Variants in AFF1 observed in about 807,000 individuals in gnomAD.
AFF1 encodes ALF transcription elongation factor 1.
In AFF1, 48 loss-of-function variants were observed where a neutral mutation model predicts 121.7. The ratio of observed to expected loss-of-function variants is 0.39; its 90% CI spans 0.31 to 0.50. The LOEUF (loss-of-function observed/expected upper bound fraction) is 0.50, where lower values mean the gene tolerates loss of function less well. Ranked by LOEUF, AFF1 falls within the 20% of genes least tolerant of loss-of-function variation. The pLI, the probability that AFF1 is intolerant of heterozygous loss-of-function variation, is 0.76. For synonymous variants in AFF1, 613 were observed against 563.0 expected (o/e 1.09, Z -1.26); for missense variants, 1,523 against 1,511.7 (o/e 1.01, Z -0.12).
chr4:87,040,773 A>G (rs916589274), intron 2 of AFF1, among the ~76,000 whole-genome samples: 2 of 144,922 alleles, frequency 1.4e-5, no homozygotes, highest in Non-Finnish European at 3.0e-5. Context: ...GGGTTTCACT[A>G]TGTTGGCCAG....
intron 2 of AFF1, among the ~76,000 whole-genome samples, chr4:87,015,446 A>G (rs1727198433): frequency 6.6e-6 from 1 of 152,232 alleles, no homozygotes. Flanking sequence ...GGAAAGAATT[A>G]TTAATGTTGT....
rs1263018658 is a variant in AFF1 at position 87,136,010 on chromosome 4, A to T, written c.*309A>T. Reference sequence around the variant, plus strand: ...CTAGAAACATTTCTATTTTTTTTTTAAACCAGCAGGATACAAGTTGCAAAT... The same window carrying T: ...CTAGAAACATTTCTATTTTTTTTTTTAACCAGCAGGATACAAGTTGCAAAT... On this transcript the variant is annotated 3_prime_UTR_variant, in exon 21 of 21. Coordinates refer to ENST00000395146, the MANE Select transcript of AFF1 (RefSeq NM_001166693.3). 12 of 282,336 alleles carry T rather than the reference A, an allele frequency of 4.3e-5. No individual in the cohort carries two copies. Among genetic ancestry groups the T allele is most frequent in the Non-Finnish European group, 5.9e-5 (9 of 152,098 alleles). 17.5% of individuals were successfully genotyped at this position (282,336 alleles called of 1,614,324 possible).
chr4:87,057,653 G>A (rs1720288933), intron 4 of AFF1, among the ~76,000 whole-genome samples: 1 of 152,180 alleles, frequency 6.6e-6, no homozygotes, highest in Non-Finnish European at 1.5e-5. Flanking sequence ...GGGGAGTTAG[G>A]AAGACTGATC....
At chr4:86,941,852 CAAAA>C (rs141702547) in intron 1 of AFF1, among the ~76,000 whole-genome samples, 25,113 of 151,576 alleles carry the variant, frequency 0.17, 2,274 homozygotes, top group East Asian at 0.29. Context: ...TAATCTGAAA[CAAAA>C]AGACAATTGA....
At chr4:87,013,764 GT>G (rs1222696777) in intron 2 of AFF1, among the ~76,000 whole-genome samples, 1 of 151,344 alleles carries the variant, frequency 6.6e-6, no homozygotes, top group Non-Finnish European at 1.5e-5. Flanking sequence ...GTCATATGAG[GT>G]TCAGGGTTCT....
rs569117042 is a variant in AFF1, at chr4:87,009,461, C to G, written c.39-36705C>G. 2.0e-4 allele frequency among the ~76,000 whole-genome samples: 30 copies of G among 152,298 alleles called. No homozygotes were observed. In the South Asian group the frequency reaches 6.0e-3, roughly 31 times the overall value. ...ATCCTGAGTTATCAGTGTGGTGGTT[C>G]AACTTGCCAGCAATTAAAATAGGAG... On this transcript the variant is annotated intron_variant, in intron 2 of 20. Coordinates refer to ENST00000395146, the MANE Select transcript of AFF1 (RefSeq NM_001166693.3).
chr4:87,032,701 G>T (rs905701278), intron 2 of AFF1, among the ~76,000 whole-genome samples: 1 of 152,144 alleles, frequency 6.6e-6, no homozygotes, highest in Non-Finnish European at 1.5e-5. Context: ...GTTGTTGATT[G>T]GGGGGTTGGA....
At chr4:86,945,751 C>A (rs1720814566) in intron 1 of AFF1, among the ~76,000 whole-genome samples, 2 of 151,902 alleles carry the variant, frequency 1.3e-5, no homozygotes, top group South Asian at 4.2e-4. Context: ...CTTGGCCTCC[C>A]AAAGTGTTGG....
intron 2 of AFF1, among the ~76,000 whole-genome samples, chr4:87,043,825 CTT>C (rs10543473): frequency 0.37 from 54,959 of 149,928 alleles, 12,682 homozygotes; most frequent in African/African-American, 0.66. Context: ...TTCTTTCTTT[CTT>C]TTTTTTTTTG....
At chr4:87,059,549 C>CATT (rs747999779) in intron 4 of AFF1, among the ~76,000 whole-genome samples, 37 of 152,176 alleles carry the variant, frequency 2.4e-4, no homozygotes, top group East Asian at 1.2e-3. Flanking sequence ...CAGTATGCCA[C>CATT]ATTATTTCAC....
At chr4:87,077,080 G>GT (rs1722742869) in intron 4 of AFF1, among the ~76,000 whole-genome samples, 1 of 152,168 alleles carries the variant, frequency 6.6e-6, no homozygotes, top group African/African-American at 2.4e-5. Flanking sequence ...AAACAACCCT[G>GT]TAAGATTATG....
At chr4:86,973,067 G>T (rs74785874) in intron 2 of AFF1, among the ~76,000 whole-genome samples, 5,543 of 152,308 alleles carry the variant, frequency 0.036, 137 homozygotes, top group Middle Eastern at 0.061. Flanking sequence ...AAGAGTTTGT[G>T]TGTGTGGGGA....
rs542953386 is a variant in AFF1 at position 86,949,757 on chromosome 4, G to T, written c.38+1186G>T. 1.3e-5 allele frequency: 21 copies of T among 1,611,108 alleles called. No individual in the cohort carries two copies. In the South Asian group the frequency reaches 2.2e-4, roughly 17 times the overall value. On this transcript the variant is annotated intron_variant, in intron 2 of 20. Transcript: ENST00000395146. ...GCGGTGCTTGCCCTTGGCCCAGATG[G>T]TCATCTGGGTGAAGCCCACCAGGGA...
chr4:87,119,235 A>G (rs2149779254), intron 12 of AFF1, among the ~76,000 whole-genome samples: 1 of 152,242 alleles, frequency 6.6e-6, no homozygotes, highest in Middle Eastern at 3.4e-3. Context: ...CTCAAGAACC[A>G]CAATATATAC....
In AFF1 at chr4:87,139,325, G is replaced by T. The variant is rs183454302; in HGVS notation, c.*3624G>T. 1.8e-4 allele frequency: 42 copies of T among 233,058 alleles called. No individual in the cohort carries two copies. The highest frequency in any genetic ancestry group is 9.0e-4 in the African/African-American group (41 of 45,400). The allele number at this position is 233,058 out of a possible 1,614,324, so 14.4% of individuals were successfully genotyped here. A position where few individuals can be genotyped will look rare whatever the true frequency, so the allele number is the denominator to read the frequency against. On this transcript the variant is annotated 3_prime_UTR_variant, in exon 21 of 21. Transcript: ENST00000395146. Reference sequence around the variant, plus strand: ...TAAAGTAGGTTGAGGCTTGAGGCTGGGCTTTCGGGTTTTTTTGTTTTTTGT... The same window carrying T: ...TAAAGTAGGTTGAGGCTTGAGGCTGTGCTTTCGGGTTTTTTTGTTTTTTGT...
At chr4:86,990,700 C>T (rs189334683) in intron 2 of AFF1, among the ~76,000 whole-genome samples, 95 of 152,228 alleles carry the variant, frequency 6.2e-4, no homozygotes, top group African/African-American at 2.1e-3. Flanking sequence ...TACATGTAGG[C>T]AATGTGAGGC....
At chr4:86,998,366 C>A (rs907549692) in intron 2 of AFF1, among the ~76,000 whole-genome samples, 4 of 152,140 alleles carry the variant, frequency 2.6e-5, no homozygotes, top group African/African-American at 9.7e-5. Flanking sequence ...TACCTCCTTC[C>A]TGGAACTAAG....
intron 4 of AFF1, chr4:87,049,545 A>G (rs1731064638): frequency 5.0e-6 from 2 of 403,038 alleles, no homozygotes; most frequent in South Asian, 3.6e-5. Flanking sequence ...GAGGAACAAA[A>G]TCCTCCATAC....
chr4:86,935,758 G>C (rs1578800941), intron 1 of AFF1: 1 of 152,398 alleles, frequency 6.6e-6, no homozygotes, highest in Admixed American at 6.5e-5. Flanking sequence ...GGCGTGTGTC[G>C]GTGGTCCGTA....
Sources: gnomAD v4.1 joint callset for allele counts (sites outside exome capture counted in the v4.1 genomes callset) on GRCh38, gnomAD v4.1.1 for gene constraint, MANE v1.5 for transcripts, NCBI Gene and HGNC (gene_info 2026-07-23, HGNC 2026-07-21) for gene names.